Variants in ARFGEF3 observed in about 807,000 individuals in gnomAD.
The protein encoded by ARFGEF3 is brefeldin A-inhibited guanine nucleotide-exchange protein 3.
A neutral mutation model predicts 221.7 loss-of-function variants in ARFGEF3; 96 were observed. That is an observed-to-expected ratio of 0.43 (90% CI 0.37 to 0.51). The LOEUF is 0.51. ARFGEF3 is among the 20% of genes least tolerant of loss of function. ARFGEF3 has a pLI of 0.00. For missense variants in ARFGEF3, 2,410 were observed against 2,789.9 expected (o/e 0.86, Z 3.07); for synonymous variants, 1,145 against 1,126.8 (o/e 1.02, Z -0.32).
Position 138,341,832 on chromosome 6 carries a change from T to C in ARFGEF3, c.*5346T>C, listed in dbSNP as rs1159542595. 6.6e-6 allele frequency: 1 copy of C among 152,192 alleles called. No individual in the cohort carries two copies. The highest frequency in any genetic ancestry group is 1.5e-5 in the Non-Finnish European group (1 of 68,026). The allele number at this position is 152,192 out of a possible 1,614,324, so 9.4% of individuals were successfully genotyped here. A position where few individuals can be genotyped will look rare whatever the true frequency, so the allele number is the denominator to read the frequency against. On this transcript the variant is annotated 3_prime_UTR_variant, in exon 34 of 34. Coordinates refer to ENST00000251691, the MANE Select transcript of ARFGEF3 (RefSeq NM_020340.5). ...TCAGGGAAGACAGACCAAAAATATC[T>C]CCTGAGATCATTGGTTTCTTTATAA...
At chr6:138,250,611 T>G (rs1778562177) in intron 8 of ARFGEF3, among the ~76,000 whole-genome samples, 1 of 152,200 alleles carries the variant, frequency 6.6e-6, no homozygotes, top group Admixed American at 6.5e-5. Flanking sequence ...AACAAAACTC[T>G]AAGAGCTCCA....
intron 4 of ARFGEF3, among the ~76,000 whole-genome samples, chr6:138,227,355 A>C (rs1362538063): frequency 6.6e-6 from 1 of 152,182 alleles, no homozygotes; most frequent in African/African-American, 2.4e-5. Context: ...CTGCTCCGAA[A>C]AGCAGCTCTT....
At position 138,283,632 on chromosome 6, in the gene ARFGEF3, C is replaced by T. The variant is rs528794407; in HGVS notation, c.2462-2314C>T. ...GCAGTGCCAGCAATCTGATGATCAG[C>T]GCTGTACTAACTGTGGCCATTCCTG... On this transcript the variant is annotated intron_variant, in intron 14 of 33. Coordinates refer to ENST00000251691, the MANE Select transcript of ARFGEF3 (RefSeq NM_020340.5). 7.2e-5 allele frequency among the ~76,000 whole-genome samples: 11 copies of T among 152,274 alleles called. No homozygotes were observed. In the South Asian group the frequency reaches 1.9e-3, roughly 26 times the overall value.
chr6:138,334,009 T>G lies in ARFGEF3; in HGVS notation c.5163T>G (p.His1721Gln), dbSNP rs776976914. Residue 1721 changes from histidine to glutamine, a missense_variant, in exon 33 of 34, where the codon CAT becomes CAG. By Grantham distance (24) the His-to-Gln change is conservative. Around this residue, in one of 5 missense-constraint regions of ARFGEF3, gnomAD observed 723 missense variants for 991.9 expected, o/e 0.73. Transcript: ENST00000251691. The surrounding 1 kb of genome is among the most constrained non-coding windows in gnomAD (Gnocchi z 5.1). ...AAATTGTGGTGAGCCTGCTGTCTCA[T>G]CAGGTGTTACTCCAGAACTTATATG... is the stretch of plus-strand genomic sequence containing the variant. ...FREIVVSLLS[H>Q]QVLLQNLYDI... is the part of the protein sequence containing the mutation. The G allele has an allele frequency of 1.2e-6, 2 of 1,612,646 alleles. No homozygotes were observed. The highest frequency in any genetic ancestry group is 1.7e-6 in the Non-Finnish European group (2 of 1,178,876).
At chr6:138,266,634 G>A (rs886157466) in intron 12 of ARFGEF3, among the ~76,000 whole-genome samples, 4 of 152,094 alleles carry the variant, frequency 2.6e-5, no homozygotes, top group Non-Finnish European at 4.4e-5. Context: ...CGGATCATGA[G>A]GTTAGGAGAT....
intron 8 of ARFGEF3, among the ~76,000 whole-genome samples, chr6:138,248,470 C>T (rs1451246296): frequency 6.6e-6 from 1 of 152,182 alleles, no homozygotes; most frequent in Non-Finnish European, 1.5e-5. Context: ...GCATTTGTTA[C>T]TTCACAAGCA....
chr6:138,261,689 C>T, intron 11 of ARFGEF3, 50 bp downstream of exon 11: 5 of 1,077,716 alleles, frequency 4.6e-6, no homozygotes, highest in Non-Finnish European at 6.5e-6. Context: ...TTTCTGAAGA[C>T]TTTTAACCTT....
chr6:138,162,117 G>T lies in ARFGEF3; in HGVS notation c.31G>T (p.Glu11Ter). 6.2e-7 allele frequency: 1 copy of T among 1,604,910 alleles called. No homozygotes were observed. Among genetic ancestry groups the T allele is most frequent in the South Asian group, 1.1e-5 (1 of 90,602 alleles). MEEILRKLQK[E>*]ASGSKYKAIK... ...AGAAATCCTGAGGAAGCTGCAGAAG[G>T]AGGCGTCCGGGAGCAAGTACAAAGC... Residue 11 changes from glutamate (E) to a stop codon, truncating the protein, a stop_gained, in exon 1 of 34, where the codon GAG becomes TAG. Coordinates refer to ENST00000251691, the MANE Select transcript of ARFGEF3 (RefSeq NM_020340.5). LOFTEE classifies it high-confidence loss of function. The surrounding 1 kb of genome is among the most constrained non-coding windows in gnomAD (Gnocchi z 4.7).
intron 8 of ARFGEF3, among the ~76,000 whole-genome samples, chr6:138,250,714 T>C (rs1778566065): frequency 6.6e-6 from 1 of 152,212 alleles, no homozygotes; most frequent in Non-Finnish European, 1.5e-5. Context: ...CGCCTGAGCG[T>C]TGTTCTCCAC....
chr6:138,258,244 C>A (rs984492960), intron 10 of ARFGEF3, among the ~76,000 whole-genome samples: 1 of 152,222 alleles, frequency 6.6e-6, no homozygotes, highest in Admixed American at 6.5e-5. Flanking sequence ...CCCGCCTCTT[C>A]AGGGTTTTCT....
In ARFGEF3 at chr6:138,319,795, G is replaced by A; in HGVS notation, c.4567G>A (p.Asp1523Asn). 2 of 1,613,998 alleles carry A rather than the reference G, an allele frequency of 1.2e-6. No individual in the cohort carries two copies. The highest frequency in any genetic ancestry group is 2.2e-5 in the East Asian group (1 of 44,872). The change falls in exon 28 of 34, where the codon GAT (aspartate) becomes AAT (asparagine). Residue 1523 changes from aspartate (D) to asparagine (N), a missense_variant. Asp to Asn is a conservative substitution (Grantham distance 23). This residue lies in a region of ARFGEF3 where 723 missense variants were observed against 991.9 expected (regional missense o/e 0.73). Transcript: ENST00000251691. ...GAGCCATAAAGACCATTCCTACTGG[G>A]ATATGGCCTCTGCCAATTTCAAGCA... ...RRSHKDHSYW[D>N]MASANFKHAI...
intron 12 of ARFGEF3, among the ~76,000 whole-genome samples, chr6:138,264,698 G>A (rs1778854860): frequency 6.6e-6 from 1 of 152,092 alleles, no homozygotes; most frequent in Non-Finnish European, 1.5e-5. Flanking sequence ...CTGAGACCTT[G>A]TCTCACTTCC....
At chr6:138,224,601 G>C (rs7772252) in intron 4 of ARFGEF3, among the ~76,000 whole-genome samples, 18,462 of 152,192 alleles carry the variant, frequency 0.12, 1,523 homozygotes, top group East Asian at 0.36. Flanking sequence ...CATTCATCTG[G>C]ACATCTTATA....
Position 138,342,049 on chromosome 6 carries a change from C to CA in ARFGEF3, c.*5565dup, listed in dbSNP as rs925431929. 4 of 152,208 alleles carry CA rather than the reference C, an allele frequency of 2.6e-5. No homozygotes were observed. The highest frequency in any genetic ancestry group is 7.2e-5 in the African/African-American group (3 of 41,444). 9.4% of individuals were successfully genotyped at this position (152,208 alleles called of 1,614,324 possible). A position where few individuals can be genotyped will look rare whatever the true frequency, so the allele number is the denominator to read the frequency against. ...CTAATTATGGTCCTTCCACCCTTTT[C>CA]AACCACCAACAACTGTTCGTACTGT... is the stretch of plus-strand genomic sequence containing the variant. On this transcript the variant is annotated 3_prime_UTR_variant, in exon 34 of 34. Coordinates refer to ENST00000251691, the MANE Select transcript of ARFGEF3 (RefSeq NM_020340.5).
At chr6:138,316,239 A>G (rs967165216) in intron 26 of ARFGEF3, among the ~76,000 whole-genome samples, 1 of 152,196 alleles carries the variant, frequency 6.6e-6, no homozygotes, top group African/African-American at 2.4e-5. Context: ...CTTTAAAGTT[A>G]TCATTATGTA....
At chr6:138,218,149 G>C (rs778010258) in intron 4 of ARFGEF3, 3 of 1,613,964 alleles carry the variant, frequency 1.9e-6, no homozygotes, top group Non-Finnish European at 1.7e-6. Flanking sequence ...GTCTGCAAGG[G>C]TGTGAGAATT....
Position 138,187,412 on chromosome 6 carries a change from T to C in ARFGEF3, c.137+16699T>C, listed in dbSNP as rs560610341. Among the ~76,000 whole-genome samples the C allele has an allele frequency of 6.3e-4, 96 of 152,356 alleles. No individual in the cohort carries two copies. In the South Asian group the frequency reaches 0.016, roughly 26 times the overall value. ...TTCATGATACTGTGACCTCCCTTTA[T>C]GGTCTTTCTCCTTAGCCTGGAGCAG... On this transcript the variant is annotated intron_variant, in intron 2 of 33. Coordinates refer to ENST00000251691, the MANE Select transcript of ARFGEF3 (RefSeq NM_020340.5).
chr6:138,322,151 T>C (rs1392422903), intron 29 of ARFGEF3, among the ~76,000 whole-genome samples: 1 of 152,154 alleles, frequency 6.6e-6, no homozygotes, highest in Non-Finnish European at 1.5e-5. Context: ...GTTGAAGACC[T>C]GAATAGAACA....
At chr6:138,253,669 C>T (rs897609212) in intron 8 of ARFGEF3, among the ~76,000 whole-genome samples, 6 of 152,184 alleles carry the variant, frequency 3.9e-5, no homozygotes, top group Non-Finnish European at 8.8e-5. Context: ...GACCTATCTC[C>T]AAATAAAGTC....
Sources: allele counts gnomAD v4.1 joint callset (sites outside exome capture counted in the v4.1 genomes callset), GRCh38; gene constraint gnomAD v4.1.1; regional missense constraint gnomAD v4.1.1; non-coding constraint Gnocchi (gnomAD v3.1); transcripts MANE v1.5; gene names NCBI Gene and HGNC (gene_info 2026-07-23, HGNC 2026-07-21).